The following SUFU variants were observed in gnomAD, a reference collection of about 807,000 sequenced individuals.
SUFU encodes SUFU negative regulator of hedgehog signaling, also known as suppressor of fused homolog.
SUFU carries 7 observed loss-of-function variants against 58.9 expected under a neutral mutation model. The ratio of observed to expected loss-of-function variants is 0.12; its 90% CI spans 0.07 to 0.22. The LOEUF (loss-of-function observed/expected upper bound fraction) is 0.22, where lower values mean the gene tolerates loss of function less well. Among genes scored for constraint, SUFU ranks in the 10% least tolerant of loss-of-function variants. The probability of loss-of-function intolerance (pLI) is 1.00; values close to 1 mark genes in which losing one functional copy is unlikely to be tolerated. For synonymous variants in SUFU, 232 were observed against 254.8 expected, an observed-to-expected ratio of 0.91 and a Z score of 0.85; for missense variants, 451 against 641.3, an observed-to-expected ratio of 0.70 and a Z score of 3.20.
chr10:102,588,285 C>T lies in SUFU; in HGVS notation c.455-4297C>T, dbSNP rs529137241. Among the ~76,000 whole-genome samples the T allele has an allele frequency of 3.0e-4, 45 of 150,976 alleles. No homozygotes were observed. The East Asian group carries it at 7.1e-3, about 24-fold the overall frequency. Reference sequence around the variant, plus strand: ...GCGGGCACCTGTAGTTCCAGCTACTCGGGAGGCTGAGGCAGGAGAACGGCG... The same window carrying T: ...GCGGGCACCTGTAGTTCCAGCTACTTGGGAGGCTGAGGCAGGAGAACGGCG... On this transcript the variant is annotated intron_variant, in intron 3 of 11. Coordinates refer to ENST00000369902, the MANE Select transcript of SUFU (RefSeq NM_016169.4).
rs1393151937 is a variant in SUFU, at chr10:102,617,413, T to C, written c.1281T>C (p.His427=). ...FATEEHPYAA[H]GPWLQILLTE... The stretch of plus-strand genomic sequence containing the variant: ...CTGAGGAGCATCCTTACGCGGCTCA[T>C]GGACCCTGGTTACAAGTGAGAAGGC... The change falls in exon 10 of 12, where the codon CAT becomes CAC. Residue 427 remains histidine, a synonymous_variant. Transcript: ENST00000369902. This position sits in a 1 kb window ranked among gnomAD's most constrained non-coding sequence, Gnocchi z 4.4. The C allele has an allele frequency of 6.2e-7, 1 of 1,614,130 alleles. No homozygotes were observed. The highest frequency in any genetic ancestry group is 1.1e-5 in the South Asian group (1 of 91,092).
At chr10:102,622,586 C>CA (rs1219945984) in intron 10 of SUFU, among the ~76,000 whole-genome samples, 2 of 151,688 alleles carry the variant, frequency 1.3e-5, no homozygotes, top group African/African-American at 4.8e-5. Flanking sequence ...ACTAAAAATA[C>CA]AAAAAATTAG....
intron 3 of SUFU, among the ~76,000 whole-genome samples, chr10:102,590,360 T>G (rs1241339257): frequency 6.6e-6 from 1 of 151,978 alleles, no homozygotes; most frequent in Non-Finnish European, 1.5e-5. Flanking sequence ...AGAGACGGGG[T>G]TTCACTTTGT....
At chr10:102,551,457 G>A (rs985551902) in intron 3 of SUFU, among the ~76,000 whole-genome samples, 2 of 151,904 alleles carry the variant, frequency 1.3e-5, no homozygotes, top group African/African-American at 2.4e-5. Flanking sequence ...GGCTAACATG[G>A]TGAAACCCTG....
At chr10:102,512,597 G>C (rs2062414147) in intron 2 of SUFU, among the ~76,000 whole-genome samples, 1 of 152,072 alleles carries the variant, frequency 6.6e-6, no homozygotes, top group South Asian at 2.1e-4. Flanking sequence ...ATTTCTACAT[G>C]GTACAGCACT....
In SUFU at chr10:102,619,206, C is replaced by A; in HGVS notation, c.1296+1778C>A. The A allele has an allele frequency of 6.3e-7, 1 of 1,591,548 alleles. No individual in the cohort carries two copies. The highest frequency in any genetic ancestry group is 8.5e-7 in the Non-Finnish European group (1 of 1,173,142). On this transcript the variant is annotated intron_variant, in intron 10 of 11. Coordinates refer to ENST00000369902, the MANE Select transcript of SUFU (RefSeq NM_016169.4). The surrounding 1 kb of genome is among the most constrained non-coding windows in gnomAD (Gnocchi z 4.2). The stretch of plus-strand genomic sequence containing the variant: ...ACTTCGCAGATGTCACATTGCCCCT[C>A]AGTCCCCTGAATGCCCTTCGGACCC...
intron 2 of SUFU, among the ~76,000 whole-genome samples, chr10:102,518,531 A>ATCTATCTATCTG (rs2062502628): frequency 1.3e-5 from 2 of 150,984 alleles, no homozygotes; most frequent in Admixed American, 6.6e-5. Context: ...CTATCTATCT[A>ATCTATCTATCTG]TCTATCTATC....
At chr10:102,627,124 A>G (rs1456352207) in intron 10 of SUFU, 51 bp from the exon 11 acceptor site, 1 of 1,601,776 alleles carries the variant, frequency 6.2e-7, no homozygotes, top group South Asian at 1.1e-5. Flanking sequence ...GGTTGGCAAA[A>G]AGATCATACA....
intron 10 of SUFU, among the ~76,000 whole-genome samples, chr10:102,624,684 G>A (rs577041822): frequency 4.6e-5 from 7 of 152,282 alleles, no homozygotes; most frequent in East Asian, 1.9e-4. Context: ...GCGCATGGTC[G>A]TTGCTCTACT....
chr10:102,560,874 G>A lies in SUFU; in HGVS notation c.454+10768G>A, dbSNP rs2063030601. On this transcript the variant is annotated intron_variant, in intron 3 of 11. Transcript: ENST00000369902. ...TTTGATGAGATGGAGATTTACTCTT[G>A]TTGCCCAGGCTGGAGTGCAATGGCG... Among the ~76,000 whole-genome samples, 4 of 150,994 alleles carry A rather than the reference G, an allele frequency of 2.6e-5. No individual in the cohort carries two copies. The South Asian group carries it at 8.3e-4, about 31-fold the overall frequency.
In SUFU at chr10:102,620,175, CTT is replaced by C. The variant is rs931494227; in HGVS notation, c.1296+2749_1296+2750del. Among the ~76,000 whole-genome samples the C allele has an allele frequency of 7.2e-5, 11 of 152,324 alleles. No individual in the cohort carries two copies. The South Asian group carries it at 1.9e-3, about 26-fold the overall frequency. ...AGCTGAAATGGAGGGGCTGGGATGA[CTT>C]TGTTACAGCAGCCTTGGAAGCCCTC... is the stretch of plus-strand genomic sequence containing the variant. On this transcript the variant is annotated intron_variant, in intron 10 of 11. Transcript: ENST00000369902.
At chr10:102,503,085 A>T (rs1454275572), upstream of SUFU, among the ~76,000 whole-genome samples, 1 of 152,162 alleles carries the variant, frequency 6.6e-6, no homozygotes, top group Admixed American at 6.5e-5. Context: ...ACTCCCCCCG[A>T]CGTTCCCTTA....
chr10:102,624,479 T>C (rs1471240250), intron 10 of SUFU, among the ~76,000 whole-genome samples: 1 of 152,236 alleles, frequency 6.6e-6, no homozygotes. Flanking sequence ...GCAGAGAATG[T>C]CACCTTTAAT....
At chr10:102,509,433 A>AT in intron 2 of SUFU, 130 bp downstream of exon 2, 1 of 1,309,686 alleles carries the variant, frequency 7.6e-7, no homozygotes, top group Non-Finnish European at 1.1e-6. Flanking sequence ...CCCTCTGACT[A>AT]TATCTACTCA....
At chr10:102,526,301 C>T (rs936013571) in intron 2 of SUFU, among the ~76,000 whole-genome samples, 1 of 151,774 alleles carries the variant, frequency 6.6e-6, no homozygotes, top group African/African-American at 2.4e-5. Flanking sequence ...GCCTCTAATC[C>T]CAGCACTTTG....
intron 3 of SUFU, among the ~76,000 whole-genome samples, chr10:102,568,307 A>G (rs940514810): frequency 1.3e-5 from 2 of 152,152 alleles, no homozygotes; most frequent in Non-Finnish European, 2.9e-5. Context: ...TAGCTGAGAA[A>G]TGGGACTGAT....
At chr10:102,593,049 G>A (rs944379676) in intron 4 of SUFU, among the ~76,000 whole-genome samples, 2 of 152,182 alleles carry the variant, frequency 1.3e-5, no homozygotes, top group Non-Finnish European at 2.9e-5. Context: ...GCTCTGGGTC[G>A]TCCTTGCTCT....
rs1203322415 is a variant in SUFU, at chr10:102,628,648, CT to C, written c.1366-1411del. ...GTAGGTCACTAAAAATGACTTTTTT[CT>C]TTTTTTCCTTTTCTGTCCAGAGGCT... On this transcript the variant is annotated intron_variant, in intron 11 of 11. Transcript: ENST00000369902. This position sits in a 1 kb window ranked among gnomAD's most constrained non-coding sequence, Gnocchi z 4.5. Among the ~76,000 whole-genome samples the C allele has an allele frequency of 1.3e-5, 2 of 152,110 alleles. No homozygotes were observed. The highest frequency in any genetic ancestry group is 4.8e-5 in the African/African-American group (2 of 41,428).
At chr10:102,594,755 C>T (rs2063444128) in intron 6 of SUFU, among the ~76,000 whole-genome samples, 1 of 152,104 alleles carries the variant, frequency 6.6e-6, no homozygotes, top group Non-Finnish European at 1.5e-5. Context: ...TTTCGCTCTT[C>T]TCACCCAGCC....
Sources: allele counts gnomAD v4.1 joint callset (sites outside exome capture counted in the v4.1 genomes callset), GRCh38; gene constraint gnomAD v4.1.1; non-coding constraint Gnocchi (gnomAD v3.1); transcripts MANE v1.5; gene names NCBI Gene and HGNC (gene_info 2026-07-23, HGNC 2026-07-21).